SLC14A2: variants seen among roughly 807,000 people sequenced by gnomAD.
The protein encoded by SLC14A2 is urea transporter 2.
SLC14A2 carries 91 observed loss-of-function variants against 104.6 expected under a neutral mutation model. The observed-to-expected ratio is 0.87, with a 90% CI of 0.73 to 1.04. SLC14A2 has a LOEUF of 1.04. Ranked by LOEUF, SLC14A2 falls within the 50% of genes least tolerant of loss-of-function variation. The probability of loss-of-function intolerance (pLI) is 0.00; values close to 1 mark genes in which losing one functional copy is unlikely to be tolerated. For missense variants in SLC14A2, 1,189 were observed against 1,156.0 expected, an observed-to-expected ratio of 1.03 and a Z score of -0.41; for synonymous variants, 476 against 466.4, an observed-to-expected ratio of 1.02 and a Z score of -0.27.
At chr18:45,617,539 C>T (rs200041733) in intron 1 of SLC14A2, among the ~76,000 whole-genome samples, 43 of 152,034 alleles carry the variant, frequency 2.8e-4, no homozygotes, top group East Asian at 1.2e-3. Flanking sequence ...TAATAAAAGC[C>T]GGCACTCAGC....
chr18:45,536,823 G>C (rs1283822592), intron 2 of SLC14A2, among the ~76,000 whole-genome samples: 6 of 152,160 alleles, frequency 3.9e-5, no homozygotes, highest in Admixed American at 2.0e-4. Flanking sequence ...AGCCTCCTGG[G>C]CTGCCAAAAG....
intron 2 of SLC14A2, among the ~76,000 whole-genome samples, chr18:45,521,425 G>A (rs1252199984): frequency 6.6e-6 from 1 of 152,062 alleles, no homozygotes; most frequent in Non-Finnish European, 1.5e-5. Context: ...CTCAGTAACT[G>A]GATAGTACCA....
rs191338966 is a variant in SLC14A2 at position 45,428,579 on chromosome 18, C to T, written c.-124-54654C>T. ...ACCCCTATAGGCTGGAGGTCATGGGCACCCCCAGGGCACATACCCCACTAG... is the reference window on the plus strand; with the variant it reads ...ACCCCTATAGGCTGGAGGTCATGGGTACCCCCAGGGCACATACCCCACTAG... On this transcript the variant is annotated intron_variant, in intron 1 of 20. Coordinates refer to the SLC14A2 transcript ENST00000586448. Among the ~76,000 whole-genome samples the T allele has an allele frequency of 8.5e-5, 13 of 152,258 alleles. No homozygotes were observed. In the East Asian group the frequency reaches 2.5e-3, roughly 29 times the overall value.
At chr18:45,410,959 T>G (rs1458280292) in intron 1 of SLC14A2, among the ~76,000 whole-genome samples, 1 of 152,312 alleles carries the variant, frequency 6.6e-6, no homozygotes, top group South Asian at 2.1e-4. Context: ...GACCATAAAC[T>G]TCTTTCAGAT....
At position 45,668,029 on chromosome 18, in the gene SLC14A2, C is replaced by A. The variant is rs1225352247; in HGVS notation, c.1907+7C>A. 6.2e-7 allele frequency: 1 copy of A among 1,613,278 alleles called. No homozygotes were observed. Among genetic ancestry groups the A allele is most frequent in the Non-Finnish European group, 8.5e-7 (1 of 1,179,390 alleles). On this transcript the variant is annotated splice_region_variant and intron_variant, in intron 14 of 19. Transcript: ENST00000255226. ...TCATCCTGAGTCAGGACAAGTAAGTCCCAGAGGCTCAGGGTCCAAACATGT... is the reference window on the plus strand; with the variant it reads ...TCATCCTGAGTCAGGACAAGTAAGTACCAGAGGCTCAGGGTCCAAACATGT...
intron 1 of SLC14A2, among the ~76,000 whole-genome samples, chr18:45,292,228 T>C (rs1164819885): frequency 6.6e-6 from 1 of 152,188 alleles, no homozygotes; most frequent in African/African-American, 2.4e-5. Flanking sequence ...GATATGCTAA[T>C]CCCTATAGCT....
chr18:45,253,947 G>C (rs2084448940), intron 1 of SLC14A2, among the ~76,000 whole-genome samples: 1 of 152,184 alleles, frequency 6.6e-6, no homozygotes, highest in African/African-American at 2.4e-5. Flanking sequence ...TTGAATCCAA[G>C]GCTTGCTGGA....
intron 1 of SLC14A2, among the ~76,000 whole-genome samples, chr18:45,347,502 C>T (rs955516531): frequency 3.9e-5 from 6 of 152,084 alleles, no homozygotes; most frequent in Non-Finnish European, 7.4e-5. Flanking sequence ...TGGGCCATTC[C>T]ATCCTTCCTC....
chr18:45,252,474 T>G (rs2084433289), intron 1 of SLC14A2, among the ~76,000 whole-genome samples: 1 of 152,200 alleles, frequency 6.6e-6, no homozygotes, highest in African/African-American at 2.4e-5. Flanking sequence ...TAACAAAAAG[T>G]TAGATGGATA....
intron 1 of SLC14A2, among the ~76,000 whole-genome samples, chr18:45,619,130 C>T (rs964723750): frequency 1.3e-5 from 2 of 152,200 alleles, no homozygotes; most frequent in Non-Finnish European, 2.9e-5. Flanking sequence ...TAGCAGAGTC[C>T]ATGCTGGGAC....
intron 2 of SLC14A2, among the ~76,000 whole-genome samples, chr18:45,594,456 T>C (rs549668740): frequency 6.6e-6 from 1 of 152,346 alleles, no homozygotes; most frequent in East Asian, 1.9e-4. Context: ...AATGATCACC[T>C]GCCAAGCTTT....
At position 45,497,301 on chromosome 18, in the gene SLC14A2, C is replaced by T. The variant is rs187864026; in HGVS notation, c.-35+13979C>T. 2.9e-4 allele frequency among the ~76,000 whole-genome samples: 44 copies of T among 152,270 alleles called. 1 individual carries two copies. The highest frequency in any genetic ancestry group is 9.9e-4 in the African/African-American group (41 of 41,548). ...GTCATTCAACAGTTAATTCAACAAC[C>T]GTGTATTGATCCCCTTCCAGGCATC... is the stretch of plus-strand genomic sequence containing the variant. On this transcript the variant is annotated intron_variant, in intron 2 of 20. Coordinates refer to the SLC14A2 transcript ENST00000586448.
chr18:45,424,667 A>T (rs1415096334), intron 1 of SLC14A2, among the ~76,000 whole-genome samples: 1 of 152,214 alleles, frequency 6.6e-6, no homozygotes, highest in Non-Finnish European at 1.5e-5. Flanking sequence ...TGTGAAGTAA[A>T]CAGACTCTAT....
At position 45,682,391 on chromosome 18, in the gene SLC14A2, C is replaced by T. The variant is rs762215294; in HGVS notation, c.2635C>T (p.Pro879Ser). 2.5e-6 allele frequency: 4 copies of T among 1,614,136 alleles called. No homozygotes were observed. Among genetic ancestry groups the T allele is most frequent in the Admixed American group, 1.7e-5 (1 of 60,026 alleles). Reference protein sequence around the residue: ...LTFLLLTTNNPAIYKLPLSKV... With the variant: ...LTFLLLTTNNSAIYKLPLSKV... ...CTTCCTGCTCCTGACGACCAATAAC[C>T]CCGCCATCTACAAGCTCCCGCTCAG... is the stretch of plus-strand genomic sequence containing the variant. The change falls in exon 20 of 20, where the codon CCC becomes TCC. Residue 879 changes from proline (P) to serine (S), a missense_variant. Coordinates refer to ENST00000255226, the MANE Select transcript of SLC14A2 (RefSeq NM_007163.4).
chr18:45,293,091 C>T (rs564358689), intron 1 of SLC14A2, among the ~76,000 whole-genome samples: 1 of 152,246 alleles, frequency 6.6e-6, no homozygotes, highest in Non-Finnish European at 1.5e-5. Context: ...CTGAATCAAG[C>T]TCTAAAGATC....
At chr18:45,480,503 G>A (rs186624685) in intron 1 of SLC14A2, among the ~76,000 whole-genome samples, 27 of 152,262 alleles carry the variant, frequency 1.8e-4, no homozygotes, top group African/African-American at 6.5e-4. Context: ...AGGCCCAAGG[G>A]ATACATGCCT....
intron 2 of SLC14A2, among the ~76,000 whole-genome samples, chr18:45,500,876 A>G (rs918311613): frequency 6.6e-6 from 1 of 152,230 alleles, no homozygotes; most frequent in African/African-American, 2.4e-5. Context: ...GGAAGGGATC[A>G]GCTATTGTCT....
chr18:45,587,612 C>G (rs1207850788), intron 2 of SLC14A2, among the ~76,000 whole-genome samples: 1 of 152,098 alleles, frequency 6.6e-6, no homozygotes, highest in African/African-American at 2.4e-5. Context: ...TTTCAAGGCA[C>G]GAGTTGGCAT....
the SLC14A2 span, among the ~76,000 whole-genome samples, chr18:45,205,205 C>G: frequency 6.6e-6 from 1 of 152,194 alleles, no homozygotes; most frequent in Admixed American, 6.5e-5. Context: ...AGGCAGCATA[C>G]AGGGCCAGGG....
Sources: gnomAD v4.1 joint callset for allele counts (sites outside exome capture counted in the v4.1 genomes callset) on GRCh38, gnomAD v4.1.1 for gene constraint, MANE v1.5 for transcripts, NCBI Gene and HGNC (gene_info 2026-07-23, HGNC 2026-07-21) for gene names.